ZFAT: variants seen among roughly 807,000 people sequenced by gnomAD.
ZFAT encodes zinc finger and AT-hook domain containing, also known as zinc finger protein ZFAT.
A neutral mutation model predicts 117.7 loss-of-function variants in ZFAT; 64 were observed. The observed-to-expected ratio is 0.54, with a 90% CI of 0.44 to 0.67. The LOEUF is 0.67. Ranked by LOEUF, ZFAT falls within the 30% of genes least tolerant of loss-of-function variation. The pLI, the probability that ZFAT is intolerant of heterozygous loss-of-function variation, is 0.00. For synonymous variants in ZFAT, 679 were observed against 615.0 expected, an observed-to-expected ratio of 1.10 and a Z score of -1.54; for missense variants, 1,433 against 1,584.5, an observed-to-expected ratio of 0.90 and a Z score of 1.62.
At chr8:134,720,953 C>A in the ZFAT span, among the ~76,000 whole-genome samples, 5 of 152,202 alleles carry the variant, frequency 3.3e-5, no homozygotes, top group Non-Finnish European at 5.9e-5. Context: ...GAATAAGAAC[C>A]CTCCTCCCAA....
chr8:134,513,652 C>T (rs1373124245), intron 13 of ZFAT, among the ~76,000 whole-genome samples: 1 of 152,182 alleles, frequency 6.6e-6, no homozygotes, highest in Non-Finnish European at 1.5e-5. Context: ...TAATAATTAT[C>T]TCTTTCTGGA....
intron 10 of ZFAT, among the ~76,000 whole-genome samples, chr8:134,573,301 G>T (rs1025636373): frequency 6.6e-6 from 1 of 152,034 alleles, no homozygotes. Context: ...TTTAAAAAAC[G>T]TAAAAATAAA....
chr8:134,478,488 T>C lies in ZFAT; in HGVS notation c.3726A>G (p.Glu1242=). 1 of 1,565,826 alleles carries C rather than the reference T, an allele frequency of 6.4e-7. No individual in the cohort carries two copies. The highest frequency in any genetic ancestry group is 8.7e-7 in the Non-Finnish European group (1 of 1,155,576). ...EEQAVEQPAQ[E]L is the part of the protein sequence containing the mutation. ...ATCCGATGCCACATGTCCTCTAGAG[T>C]TCCTGGGCCGGCTGCTCCACAGCCT... Residue 1242 remains glutamate, a synonymous_variant, in exon 16 of 16, where the codon GAA becomes GAG. Coordinates refer to ENST00000377838, the MANE Select transcript of ZFAT (RefSeq NM_020863.4). The surrounding 1 kb of genome is among the most constrained non-coding windows in gnomAD (Gnocchi z 5.2).
chr8:134,755,979 A>T, the ZFAT span, among the ~76,000 whole-genome samples: 1 of 152,160 alleles, frequency 6.6e-6, no homozygotes, highest in Non-Finnish European at 1.5e-5. Flanking sequence ...TTGTTCAACA[A>T]ATGTTGACTT....
the ZFAT span, among the ~76,000 whole-genome samples, chr8:134,815,623 A>G: frequency 6.6e-6 from 1 of 152,148 alleles, no homozygotes; most frequent in African/African-American, 2.4e-5. Context: ...CTTCTCCACT[A>G]CTTGCAATCA....
At chr8:134,689,642 C>A (rs1833501627) in intron 1 of ZFAT, among the ~76,000 whole-genome samples, 1 of 152,254 alleles carries the variant, frequency 6.6e-6, no homozygotes, top group African/African-American at 2.4e-5. Flanking sequence ...GGTATTCAAT[C>A]TACCAGGTGA....
chr8:134,737,409 T>A, the ZFAT span, among the ~76,000 whole-genome samples: 1 of 152,266 alleles, frequency 6.6e-6, no homozygotes, highest in Non-Finnish European at 1.5e-5. Context: ...AGTAAGATGC[T>A]GGCTGGTCAA....
the ZFAT span, among the ~76,000 whole-genome samples, chr8:134,774,447 G>A: frequency 6.6e-6 from 1 of 152,106 alleles, no homozygotes; most frequent in Non-Finnish European, 1.5e-5. Flanking sequence ...ATAACATTCA[G>A]CAACCACCAC....
the ZFAT span, among the ~76,000 whole-genome samples, chr8:134,760,273 GA>G: frequency 0.39 from 49,941 of 128,678 alleles, 8,367 homozygotes; most frequent in African/African-American, 0.48. Flanking sequence ...GTCTCAAAAA[GA>G]AAAAAAAAAA....
intron 11 of ZFAT, among the ~76,000 whole-genome samples, chr8:134,542,754 C>A (rs1314592613): frequency 6.6e-6 from 1 of 152,114 alleles, no homozygotes; most frequent in East Asian, 1.9e-4. Flanking sequence ...AGGTATTGTA[C>A]AGAAGTGAGG....
chr8:134,640,060 G>A (rs1406619634), intron 2 of ZFAT, among the ~76,000 whole-genome samples: 2 of 152,180 alleles, frequency 1.3e-5, no homozygotes, highest in East Asian at 3.8e-4. Flanking sequence ...GACTCCATGG[G>A]TGGACCAAAA....
At chr8:134,680,898 T>C (rs933755263) in intron 1 of ZFAT, among the ~76,000 whole-genome samples, 6 of 152,244 alleles carry the variant, frequency 3.9e-5, no homozygotes, top group Admixed American at 1.3e-4. Context: ...GTAAAAGGTA[T>C]GTGAGACTTC....
chr8:134,541,937 A>G (rs932587945), intron 11 of ZFAT, among the ~76,000 whole-genome samples: 1 of 152,198 alleles, frequency 6.6e-6, no homozygotes, highest in African/African-American at 2.4e-5. Flanking sequence ...AAATCCTTTT[A>G]CCTCATTCAC....
the ZFAT span, among the ~76,000 whole-genome samples, chr8:134,722,232 G>T: frequency 2.0e-5 from 3 of 152,246 alleles, no homozygotes; most frequent in Admixed American, 2.0e-4. Flanking sequence ...CACCTCAGAG[G>T]GGTGGAGAGT....
chr8:134,483,159 C>T (rs1313399631), intron 15 of ZFAT, among the ~76,000 whole-genome samples: 2 of 152,216 alleles, frequency 1.3e-5, no homozygotes, highest in African/African-American at 4.8e-5. Flanking sequence ...CTTCCTTGCT[C>T]CCACGGCACC....
intron 13 of ZFAT, among the ~76,000 whole-genome samples, chr8:134,517,675 C>T (rs1255329671): frequency 6.6e-6 from 1 of 152,190 alleles, no homozygotes; most frequent in Non-Finnish European, 1.5e-5. Context: ...TTCTGCATCC[C>T]ACAGCACATT....
intron 11 of ZFAT, among the ~76,000 whole-genome samples, chr8:134,563,242 G>C (rs545391038): frequency 1.3e-5 from 2 of 152,172 alleles, no homozygotes; most frequent in African/African-American, 4.8e-5. Flanking sequence ...AGTCAGTACG[G>C]GTGGTTTTAA....
At chr8:134,637,849 TAACAGCTGCA>T in intron 2 of ZFAT, 137 bp from the exon 3 acceptor site, 1 of 1,201,588 alleles carries the variant, frequency 8.3e-7, no homozygotes, top group South Asian at 1.6e-5. Context: ...TTCCAGACAT[TAACAGCTGCA>T]AACAATTATC....
the ZFAT span, among the ~76,000 whole-genome samples, chr8:134,812,762 T>C: frequency 6.6e-6 from 1 of 152,204 alleles, no homozygotes; most frequent in Non-Finnish European, 1.5e-5. Context: ...AATCGTATTA[T>C]AGATATGCAG....
Sources: gnomAD v4.1 joint callset for allele counts (sites outside exome capture counted in the v4.1 genomes callset) on GRCh38, gnomAD v4.1.1 for gene constraint, Gnocchi (gnomAD v3.1) non-coding constraint, MANE v1.5 for transcripts, NCBI Gene and HGNC (gene_info 2026-07-23, HGNC 2026-07-21) for gene names.